Variants in CFAP299 observed in about 807,000 individuals in gnomAD.
The protein encoded by CFAP299 is cilia and flagella associated protein 299.
CFAP299 carries 21 observed loss-of-function variants against 27.0 expected under a neutral mutation model. The ratio of observed to expected loss-of-function variants is 0.78; its 90% CI spans 0.55 to 1.12. The LOEUF is 1.12. Ranked by LOEUF, CFAP299 falls within the 50% of genes most tolerant of loss-of-function variation. The pLI is 0.00. For missense variants in CFAP299, 310 were observed against 276.6 expected, an observed-to-expected ratio of 1.12 and a Z score of -0.86; for synonymous variants, 104 against 98.1, an observed-to-expected ratio of 1.06 and a Z score of -0.36.
At chr4:80,536,872 C>G (rs1733763448) in intron 2 of CFAP299, among the ~76,000 whole-genome samples, 1 of 152,060 alleles carries the variant, frequency 6.6e-6, no homozygotes, top group African/African-American at 2.4e-5. Context: ...GGGATTGCAG[C>G]TTCAGCACAG....
chr4:80,657,741 A>G (rs1334610904), intron 3 of CFAP299, among the ~76,000 whole-genome samples: 2 of 152,116 alleles, frequency 1.3e-5, no homozygotes, highest in African/African-American at 2.4e-5. Context: ...TAAAATTTAT[A>G]GTAGTTTTTT....
intron 4 of CFAP299, among the ~76,000 whole-genome samples, chr4:80,930,544 T>G (rs1736565243): frequency 6.6e-6 from 1 of 152,150 alleles, no homozygotes; most frequent in African/African-American, 2.4e-5. Context: ...AGGTAGATAG[T>G]GTCAGAATTA....
chr4:80,444,878 G>A (rs987626070), intron 2 of CFAP299, among the ~76,000 whole-genome samples: 2 of 152,062 alleles, frequency 1.3e-5, no homozygotes, highest in South Asian at 2.1e-4. Context: ...ATAAACAGAC[G>A]CTTCTCAAAA....
In CFAP299 at chr4:80,954,629, A is replaced by T. The variant is rs78713464; in HGVS notation, c.607-8888A>T. ...CAGCCCCAACTTGGCAGGTCAGAAA[A>T]CTACCTCATAAGTATATGAGGTTGC... On this transcript the variant is annotated intron_variant, in intron 5 of 5. Transcript: ENST00000358105. 5.8e-3 allele frequency among the ~76,000 whole-genome samples: 881 copies of T among 152,172 alleles called. 5 individuals are homozygous for T. The highest frequency in any genetic ancestry group is 0.021 in the African/African-American group (857 of 41,530).
At chr4:80,492,121 A>G (rs759210131) in intron 2 of CFAP299, among the ~76,000 whole-genome samples, 7 of 152,182 alleles carry the variant, frequency 4.6e-5, no homozygotes, top group African/African-American at 9.7e-5. Context: ...AAATTCACCT[A>G]TAGCCTGGAA....
In CFAP299 at chr4:80,874,836, G is replaced by A. The variant is rs1455225167; in HGVS notation, c.476+4701G>A. ...TAGCTACTACCCGCATATGGCCACCGAGTACTTGATGTATGGTTAACCTTG... is the reference window on the plus strand; with the variant it reads ...TAGCTACTACCCGCATATGGCCACCAAGTACTTGATGTATGGTTAACCTTG... On this transcript the variant is annotated intron_variant, in intron 4 of 5. Transcript: ENST00000358105. Among the ~76,000 whole-genome samples, 6 of 152,196 alleles carry A rather than the reference G, an allele frequency of 3.9e-5. No individual in the cohort carries two copies. The South Asian group carries it at 6.2e-4, about 16-fold the overall frequency.
At chr4:80,697,850 A>G (rs774296991) in intron 3 of CFAP299, among the ~76,000 whole-genome samples, 1 of 152,234 alleles carries the variant, frequency 6.6e-6, no homozygotes, top group African/African-American at 2.4e-5. Flanking sequence ...GACACCGAAG[A>G]TAATTTGGAG....
chr4:80,433,465 G>A (rs907106728), intron 2 of CFAP299, among the ~76,000 whole-genome samples: 1 of 152,034 alleles, frequency 6.6e-6, no homozygotes, highest in Non-Finnish European at 1.5e-5. Context: ...CGAACACTTC[G>A]AGTTCTGCTT....
chr4:80,907,748 A>T (rs1159756624), intron 4 of CFAP299, among the ~76,000 whole-genome samples: 1 of 152,274 alleles, frequency 6.6e-6, no homozygotes, highest in East Asian at 1.9e-4. Flanking sequence ...TCCCTCTCAC[A>T]ACACGTGGGG....
At chr4:80,364,173 A>G (rs1000255408) in intron 2 of CFAP299, among the ~76,000 whole-genome samples, 7 of 150,372 alleles carry the variant, frequency 4.7e-5, no homozygotes, top group African/African-American at 1.7e-4. Context: ...CCCTCTGTAT[A>G]GTATATCACA....
chr4:80,843,256 G>A (rs1730964792), intron 3 of CFAP299, among the ~76,000 whole-genome samples: 1 of 151,912 alleles, frequency 6.6e-6, no homozygotes, highest in Non-Finnish European at 1.5e-5. Context: ...ACAGGCCCCA[G>A]TGTGTGATGT....
chr4:80,467,494 C>T (rs545414876), intron 2 of CFAP299, among the ~76,000 whole-genome samples: 2 of 152,130 alleles, frequency 1.3e-5, no homozygotes, highest in East Asian at 1.9e-4. Context: ...TAAACTCACC[C>T]GCCTCCTCAA....
At chr4:80,609,041 T>C (rs982390095) in intron 3 of CFAP299, among the ~76,000 whole-genome samples, 1 of 152,068 alleles carries the variant, frequency 6.6e-6, no homozygotes, top group Non-Finnish European at 1.5e-5. Flanking sequence ...TCACATAGTG[T>C]TTGAGACTGT....
At chr4:80,916,394 T>C (rs1436735990) in intron 4 of CFAP299, among the ~76,000 whole-genome samples, 1 of 150,998 alleles carries the variant, frequency 6.6e-6, no homozygotes, top group Non-Finnish European at 1.5e-5. Context: ...GCTAGGTACT[T>C]CTGTATTCCT....
chr4:80,487,035 C>A (rs1362803827), intron 2 of CFAP299, among the ~76,000 whole-genome samples: 2 of 152,210 alleles, frequency 1.3e-5, no homozygotes. Flanking sequence ...TCTTCAACTC[C>A]TGGAGACCAC....
intron 3 of CFAP299, among the ~76,000 whole-genome samples, chr4:80,783,942 C>T (rs1349032673): frequency 6.6e-6 from 1 of 151,688 alleles, no homozygotes; most frequent in Non-Finnish European, 1.5e-5. Flanking sequence ...CTCTCTATCT[C>T]TGTATATTCA....
At chr4:80,422,556 G>A (rs1017713109) in intron 2 of CFAP299, among the ~76,000 whole-genome samples, 13 of 152,016 alleles carry the variant, frequency 8.6e-5, no homozygotes. Context: ...TGGAATTACT[G>A]AATTTTATTA....
intron 3 of CFAP299, among the ~76,000 whole-genome samples, chr4:80,790,150 AT>A (rs1409038762): frequency 2.6e-4 from 39 of 152,166 alleles, no homozygotes; most frequent in African/African-American, 9.1e-4. Flanking sequence ...CATCCCCAAA[AT>A]TTGCTATTTA....
chr4:80,710,864 A>G lies in CFAP299; in HGVS notation c.333+127681A>G, dbSNP rs374004092. On this transcript the variant is annotated intron_variant, in intron 3 of 5. Transcript: ENST00000358105. ...CCTTTTTTGTACCTGGGACTTCACA[A>G]ACAAATCTCTAAGCCTTAAAACAAC... Among the ~76,000 whole-genome samples, 334 of 152,212 alleles carry G rather than the reference A, an allele frequency of 2.2e-3. 2 individuals are homozygous for G. Among genetic ancestry groups the G allele is most frequent in the African/African-American group, 7.6e-3 (317 of 41,556 alleles).
Sources: gnomAD v4.1 joint callset for allele counts (sites outside exome capture counted in the v4.1 genomes callset) on GRCh38, gnomAD v4.1.1 for gene constraint, MANE v1.5 for transcripts, NCBI Gene and HGNC (gene_info 2026-07-23, HGNC 2026-07-21) for gene names.